Variants in NASP observed in about 807,000 individuals in gnomAD.
The protein encoded by NASP is NASP histone chaperone.
NASP carries 24 observed loss-of-function variants against 89.5 expected under a neutral mutation model. The ratio of observed to expected loss-of-function variants is 0.27; its 90% CI spans 0.19 to 0.38. The LOEUF is 0.38. NASP is among the 10% of genes least tolerant of loss of function. The probability of loss-of-function intolerance (pLI) is 1.00; values close to 1 mark genes in which losing one functional copy is unlikely to be tolerated. For synonymous variants in NASP, 306 were observed against 324.7 expected, an observed-to-expected ratio of 0.94 and a Z score of 0.62; for missense variants, 848 against 921.4, an observed-to-expected ratio of 0.92 and a Z score of 1.03.
chr1:45,597,127 G>A (rs1643718048), intron 2 of NASP, among the ~76,000 whole-genome samples: 2 of 152,070 alleles, frequency 1.3e-5, no homozygotes, highest in African/African-American at 4.8e-5. Flanking sequence ...TGGCCAACAT[G>A]GTGAAACCGT....
chr1:45,618,242 A>G lies in NASP; in HGVS notation c.*101A>G. On this transcript the variant is annotated 3_prime_UTR_variant, in exon 15 of 15. Coordinates refer to ENST00000350030, the MANE Select transcript of NASP (RefSeq NM_002482.4). Reference sequence around the variant, plus strand: ...TTGTATAACTTCAATAAAGATTGTAAGCAAAGGTTGAGGCTTTGATGGTTT... The same window carrying G: ...TTGTATAACTTCAATAAAGATTGTAGGCAAAGGTTGAGGCTTTGATGGTTT... 10 of 987,586 alleles carry G rather than the reference A, an allele frequency of 1.0e-5. No homozygotes were observed. The highest frequency in any genetic ancestry group is 1.2e-5 in the Non-Finnish European group (8 of 660,926). 61.2% of individuals were successfully genotyped at this position (987,586 alleles called of 1,614,324 possible). A position where few individuals can be genotyped will look rare whatever the true frequency, so the allele number is the denominator to read the frequency against.
rs1644144907 is a variant in NASP, at chr1:45,618,342, C to T, written c.*201C>T. ...TATTAGCCAAAGGTTTTGTTCTGGC[C>T]TTCTGTACTGATCTGTGTTCCTGAT... On this transcript the variant is annotated 3_prime_UTR_variant, in exon 15 of 15. Coordinates refer to ENST00000350030, the MANE Select transcript of NASP (RefSeq NM_002482.4). 1 of 492,962 alleles carries T rather than the reference C, an allele frequency of 2.0e-6. No individual in the cohort carries two copies. Among genetic ancestry groups the T allele is most frequent in the Non-Finnish European group, 3.8e-6 (1 of 264,438 alleles). The allele number at this position is 492,962 out of a possible 1,614,324, so 30.5% of individuals were successfully genotyped here. A position where few individuals can be genotyped will look rare whatever the true frequency, so the allele number is the denominator to read the frequency against.
rs374917511 is a variant in NASP at position 45,604,964 on chromosome 1, G to C, written c.247G>C (p.Glu83Gln). 1 of 1,612,804 alleles carries C rather than the reference G, an allele frequency of 6.2e-7. No individual in the cohort carries two copies. The change falls in exon 4 of 15, where the codon GAG (glutamate) becomes CAG (glutamine). Residue 83 changes from glutamate (E) to glutamine (Q), a missense_variant. Glu to Gln is a conservative substitution (Grantham distance 29). Around this residue, in one of 5 missense-constraint regions of NASP, gnomAD observed 17 missense variants for 38.6 expected, o/e 0.44. Coordinates refer to ENST00000350030, the MANE Select transcript of NASP (RefSeq NM_002482.4). ...TAAGAAGTATGGAGAGACAGCTAATGAGTGTGGAGAAGCCTTCTTTTTCTA... is the reference window on the plus strand; with the variant it reads ...TAAGAAGTATGGAGAGACAGCTAATCAGTGTGGAGAAGCCTTCTTTTTCTA... ...LGKKYGETAN[E>Q]CGEAFFFYGK...
At position 45,590,650 on chromosome 1, in the gene NASP, A is replaced by T. The variant is rs949013019; in HGVS notation, c.60-573A>T. Among the ~76,000 whole-genome samples, 3 of 147,972 alleles carry T rather than the reference A, an allele frequency of 2.0e-5. 1 individual carries two copies. The South Asian group carries it at 6.3e-4, about 31-fold the overall frequency. ...GGTTCCTTGCTTTTAATGGTATTCA[A>T]TTCAGAGTCTTATATTGCAGTCATA... On this transcript the variant is annotated intron_variant, in intron 1 of 14. Coordinates refer to ENST00000350030, the MANE Select transcript of NASP (RefSeq NM_002482.4).
chr1:45,594,172 T>C (rs1433354007), intron 2 of NASP, among the ~76,000 whole-genome samples: 2 of 150,760 alleles, frequency 1.3e-5, no homozygotes, highest in Non-Finnish European at 3.0e-5. Context: ...CTAAAAAAGA[T>C]ACAAAAATTA....
intron 2 of NASP, among the ~76,000 whole-genome samples, chr1:45,597,468 G>A (rs1184258536): frequency 6.6e-6 from 1 of 152,062 alleles, no homozygotes; most frequent in Admixed American, 6.6e-5. Flanking sequence ...AAACACGGTA[G>A]AGTAGTGAAT....
At position 45,618,095 on chromosome 1, in the gene NASP, A is replaced by AG. The variant is rs774972112; in HGVS notation, c.2325dup (p.Thr776AspfsTer9). 1.9e-6 allele frequency: 3 copies of AG among 1,604,176 alleles called. No homozygotes were observed. The highest frequency in any genetic ancestry group is 1.1e-5 in the South Asian group (1 of 88,924). On this transcript the variant is annotated frameshift_variant, in exon 15 of 15. Coordinates refer to ENST00000350030, the MANE Select transcript of NASP (RefSeq NM_002482.4). LOFTEE classifies it high-confidence loss of function. ...CAGGCTGAAAGCCGGGCAGCAGTGGAGGGGACAGTGGAGGCTGGAGCTACA... is the reference window on the plus strand; with the variant it reads ...CAGGCTGAAAGCCGGGCAGCAGTGGAGGGGGACAGTGGAGGCTGGAGCTACA...
intron 1 of NASP, among the ~76,000 whole-genome samples, chr1:45,584,826 C>G (rs545183091): frequency 1.3e-5 from 2 of 152,286 alleles, no homozygotes; most frequent in East Asian, 3.9e-4. Context: ...TTTGGACTAT[C>G]TCCGTGGGGC....
intron 12 of NASP, 86 bp downstream of exon 12, chr1:45,616,479 G>A (rs1293971080): frequency 2.7e-5 from 41 of 1,534,970 alleles, no homozygotes; most frequent in Non-Finnish European, 3.2e-5. Flanking sequence ...GGGAGGCCAA[G>A]GCAGGAAGAT....
rs1406063191 is a variant in NASP, at chr1:45,615,069, T to C, written c.1723T>C (p.Tyr575His). 6.2e-7 allele frequency: 1 copy of C among 1,614,164 alleles called. No homozygotes were observed. Among genetic ancestry groups the C allele is most frequent in the Non-Finnish European group, 8.5e-7 (1 of 1,180,012 alleles). The change falls in exon 10 of 15, where the codon TAC (tyrosine) becomes CAC (histidine). Residue 575 changes from tyrosine (Y) to histidine (H), a missense_variant. Around this residue, in one of 5 missense-constraint regions of NASP, gnomAD observed 60 missense variants for 114.6 expected, o/e 0.52. Coordinates refer to ENST00000350030, the MANE Select transcript of NASP (RefSeq NM_002482.4). ...FQSCLNLQEQ[Y>H]LEAHDRLLAE... ...GTCCTGCCTTAACCTGCAGGAACAG[T>C]ACCTGGAAGCCCACGACCGTCTCCT...
chr1:45,601,914 G>A (rs1000841168), intron 2 of NASP, among the ~76,000 whole-genome samples: 39 of 151,534 alleles, frequency 2.6e-4, no homozygotes, highest in African/African-American at 6.8e-4. Flanking sequence ...CACCACGCCC[G>A]GCTAATTTTT....
At chr1:45,615,610 T>C (rs2991986) in intron 11 of NASP, 139 bp downstream of exon 11, 533,019 of 753,966 alleles carry the variant, frequency 0.71, 189,521 homozygotes, top group African/African-American at 0.76. Flanking sequence ...AGTAATGCAG[T>C]GGTTAAGAGG....
rs1211426047 is a variant in NASP, at chr1:45,614,171, A to T, written c.1582A>T (p.Ile528Phe). The T allele has an allele frequency of 6.2e-7, 1 of 1,611,864 alleles. No homozygotes were observed. Among genetic ancestry groups the T allele is most frequent in the East Asian group, 2.2e-5 (1 of 44,854 alleles). Residue 528 changes from isoleucine to phenylalanine, a missense_variant, in exon 8 of 15, where the codon ATT becomes TTT. Physicochemically the swap from Ile to Phe is conservative, Grantham distance 21. Transcript: ENST00000350030. Reference protein sequence around the residue: ...AWDMLDLAKIIFKRQETKEAQ... With the variant: ...AWDMLDLAKIFFKRQETKEAQ... Reference sequence around the variant, plus strand: ...GGATATGCTGGATTTAGCAAAGATCATTTTTAAAAGGTAAAACTCTTGGTG... The same window carrying T: ...GGATATGCTGGATTTAGCAAAGATCTTTTTTAAAAGGTAAAACTCTTGGTG...
intron 11 of NASP, among the ~76,000 whole-genome samples, chr1:45,615,973 AAT>A (rs1644098694): frequency 6.6e-6 from 1 of 152,216 alleles, no homozygotes; most frequent in African/African-American, 2.4e-5. Context: ...GTACTGGAAA[AAT>A]AGACATTTCT....
intron 9 of NASP, among the ~76,000 whole-genome samples, chr1:45,614,728 G>A (rs575227481): frequency 1.3e-4 from 19 of 151,998 alleles, no homozygotes; most frequent in South Asian, 8.3e-4. Flanking sequence ...TAGTAGAGAC[G>A]GGGTTTCACC....
intron 1 of NASP, among the ~76,000 whole-genome samples, chr1:45,591,004 G>T (rs1259749384): frequency 6.6e-6 from 1 of 152,142 alleles, no homozygotes; most frequent in Non-Finnish European, 1.5e-5. Flanking sequence ...CATCCCTGTG[G>T]TTATAGCTGT....
intron 2 of NASP, among the ~76,000 whole-genome samples, chr1:45,593,211 A>C (rs995747482): frequency 5.3e-5 from 8 of 152,018 alleles, no homozygotes; most frequent in Admixed American, 3.3e-4. Flanking sequence ...ATTTTTATGA[A>C]ATAGGCGATT....
At position 45,607,429 on chromosome 1, in the gene NASP, A is replaced by G; in HGVS notation, c.518A>G (p.Glu173Gly). 6.2e-7 allele frequency: 1 copy of G among 1,613,918 alleles called. No homozygotes were observed. The highest frequency in any genetic ancestry group is 2.2e-5 in the East Asian group (1 of 44,892). ...KSLAKPETDK[E>G]QDSEMEKGGR... ...TTGGCAAAGCCTGAAACTGATAAAGAACAGGACAGTGAAATGGAGAAGGGT... is the reference window on the plus strand; with the variant it reads ...TTGGCAAAGCCTGAAACTGATAAAGGACAGGACAGTGAAATGGAGAAGGGT... Residue 173 changes from glutamate to glycine, a missense_variant, in exon 6 of 15, where the codon GAA becomes GGA. By Grantham distance (98) the Glu-to-Gly change is moderately conservative. Coordinates refer to ENST00000350030, the MANE Select transcript of NASP (RefSeq NM_002482.4).
At chr1:45,616,761 C>G in intron 13 of NASP, 58 bp downstream of exon 13, 2 of 1,477,670 alleles carry the variant, frequency 1.4e-6, no homozygotes, top group Non-Finnish European at 1.9e-6. Context: ...TTTTTAATCC[C>G]TTTCCTATAA....
Sources: gnomAD v4.1 joint callset for allele counts (sites outside exome capture counted in the v4.1 genomes callset) on GRCh38, gnomAD v4.1.1 for gene constraint, gnomAD v4.1.1 regional missense constraint, MANE v1.5 for transcripts, NCBI Gene and HGNC (gene_info 2026-07-23, HGNC 2026-07-21) for gene names.